RGS8: variants seen among roughly 807,000 people sequenced by gnomAD.
RGS8 encodes the protein regulator of G-protein signaling 8.
In RGS8, 8 loss-of-function variants were observed where a neutral mutation model predicts 21.7. The observed-to-expected ratio is 0.37, with a 90% confidence interval of 0.22 to 0.66. The LOEUF (loss-of-function observed/expected upper bound fraction) is 0.66. Ranked by LOEUF, RGS8 falls within the 30% of genes least tolerant of loss-of-function variation. RGS8 has a pLI of 0.59. For synonymous variants in RGS8, 80 were observed against 83.6 expected (o/e 0.96, Z 0.24); for missense variants, 157 against 217.9 (o/e 0.72, Z 1.76).
the RGS8 span, among the ~76,000 whole-genome samples, chr1:182,697,598 G>A: frequency 6.6e-6 from 1 of 152,280 alleles, no homozygotes; most frequent in Non-Finnish European, 1.5e-5. Context: ...CACATAAGAA[G>A]AACCCTTACA....
chr1:182,669,714 CT>C, exon 3 of RGS8: 1 of 1,612,110 alleles, frequency 6.2e-7, no homozygotes, highest in Admixed American at 1.7e-5. Context: ...GGAAATAAGA[CT>C]GCGGGGCTCA....
At chr1:182,737,324 A>T in the RGS8 span, among the ~76,000 whole-genome samples, 1 of 151,878 alleles carries the variant, frequency 6.6e-6, no homozygotes, top group African/African-American at 2.4e-5. Context: ...TTTTATGTGT[A>T]TTTGACCATA....
At chr1:182,741,457 C>A in the RGS8 span, among the ~76,000 whole-genome samples, 2 of 136,568 alleles carry the variant, frequency 1.5e-5, no homozygotes, top group African/African-American at 5.5e-5. Flanking sequence ...CGGGCAGAGG[C>A]GCCCCTCACT....
chr1:182,705,240 C>G, the RGS8 span, among the ~76,000 whole-genome samples: 1 of 152,122 alleles, frequency 6.6e-6, no homozygotes. Flanking sequence ...AACCCCAGTT[C>G]AAGTATGAAG....
chr1:182,655,136 A>C (rs1054417403), intron 5 of RGS8, among the ~76,000 whole-genome samples: 2 of 152,230 alleles, frequency 1.3e-5, no homozygotes, highest in Non-Finnish European at 2.9e-5. Context: ...AGAGAAGCCA[A>C]ATAACTTCCA....
intron 5 of RGS8, chr1:182,658,310 T>C (rs561598844): frequency 6.6e-6 from 1 of 152,302 alleles, no homozygotes; most frequent in South Asian, 2.1e-4. Flanking sequence ...AGGTAACAGT[T>C]CAAGGCCCAG....
intron 1 of RGS8, among the ~76,000 whole-genome samples, chr1:182,680,105 T>A (rs897239026): frequency 6.6e-6 from 1 of 152,182 alleles, no homozygotes; most frequent in African/African-American, 2.4e-5. Flanking sequence ...CTGGTCCCCA[T>A]GAGACAGCCT....
upstream of RGS8, among the ~76,000 whole-genome samples, chr1:182,674,731 T>A (rs180860724): frequency 6.6e-5 from 10 of 152,318 alleles, no homozygotes; most frequent in Non-Finnish European, 1.2e-4. Flanking sequence ...CACCTTGGAC[T>A]CTACATTCCC....
chr1:182,715,095 A>T, the RGS8 span, among the ~76,000 whole-genome samples: 1 of 152,234 alleles, frequency 6.6e-6, no homozygotes, highest in Non-Finnish European at 1.5e-5. Flanking sequence ...AACATCAGTG[A>T]GTTTGCTTTC....
chr1:182,726,184 C>CAA, the RGS8 span, among the ~76,000 whole-genome samples: 25 of 115,084 alleles, frequency 2.2e-4, no homozygotes, highest in Non-Finnish European at 3.1e-4. Context: ...ATGCTAATCT[C>CAA]AAAAAAAAAA....
chr1:182,695,771 C>A, the RGS8 span, among the ~76,000 whole-genome samples: 2 of 152,204 alleles, frequency 1.3e-5, no homozygotes, highest in African/African-American at 4.8e-5. Context: ...CCAACTGCAT[C>A]ATTTACTCAG....
the RGS8 span, among the ~76,000 whole-genome samples, chr1:182,713,347 C>T: frequency 4.6e-5 from 7 of 152,248 alleles, no homozygotes; most frequent in Middle Eastern, 6.8e-3. Context: ...CCACACCTGG[C>T]TAATCTTTGT....
At chr1:182,722,381 A>C in the RGS8 span, among the ~76,000 whole-genome samples, 2 of 151,554 alleles carry the variant, frequency 1.3e-5, no homozygotes, top group African/African-American at 4.8e-5. Flanking sequence ...AAAAAAAAAA[A>C]AAAAAACTGG....
At chr1:182,728,720 A>G in the RGS8 span, among the ~76,000 whole-genome samples, 5 of 152,348 alleles carry the variant, frequency 3.3e-5, 1 homozygote, top group South Asian at 1.0e-3. Flanking sequence ...GGGGAAGTGG[A>G]CAAGATTAGT....
At chr1:182,717,527 C>T in the RGS8 span, among the ~76,000 whole-genome samples, 6 of 152,248 alleles carry the variant, frequency 3.9e-5, no homozygotes, top group Admixed American at 1.3e-4. Flanking sequence ...TCAGTGAAAC[C>T]CTGGAAAGGA....
intron 5 of RGS8, among the ~76,000 whole-genome samples, chr1:182,661,988 C>T (rs1182807694): frequency 2.6e-5 from 4 of 152,082 alleles, no homozygotes; most frequent in African/African-American, 4.8e-5. Context: ...TTTCCTTGTT[C>T]GTTTGTTAGT....
upstream of RGS8, chr1:182,671,995 G>A: frequency 8.8e-7 from 1 of 1,140,668 alleles, no homozygotes; most frequent in Non-Finnish European, 1.2e-6. Flanking sequence ...CTCATTGGCA[G>A]GATGCAGAAG....
chr1:182,652,501 C>T (rs1000311828), intron 5 of RGS8, among the ~76,000 whole-genome samples: 2 of 152,170 alleles, frequency 1.3e-5, no homozygotes, highest in Non-Finnish European at 2.9e-5. Context: ...GTGACTTGCC[C>T]GATTTCACAT....
the RGS8 span, among the ~76,000 whole-genome samples, chr1:182,734,148 T>C: frequency 1.3e-5 from 2 of 151,858 alleles, no homozygotes. Context: ...CTCGAACTCC[T>C]GGCCTCAGGC....
Sources: allele counts gnomAD v4.1 joint callset (sites outside exome capture counted in the v4.1 genomes callset), GRCh38; gene constraint gnomAD v4.1.1; transcripts MANE v1.5; gene names NCBI Gene and HGNC (gene_info 2026-07-23, HGNC 2026-07-21).